The following SUGCT variants were observed in gnomAD, a reference collection of about 807,000 sequenced individuals.
SUGCT encodes succinyl-CoA:glutarate CoA-transferase.
In SUGCT, 41 loss-of-function variants were observed where a neutral mutation model predicts 55.0. That is an observed-to-expected ratio of 0.74 (90% CI 0.58 to 0.97). The LOEUF is 0.97. Among genes scored for constraint, SUGCT ranks in the 50% least tolerant of loss-of-function variants. The probability of loss-of-function intolerance (pLI) is 0.00; values close to 1 mark genes in which losing one functional copy is unlikely to be tolerated. For missense variants in SUGCT, 568 were observed against 547.8 expected (o/e 1.04, Z -0.37); for synonymous variants, 187 against 200.4 (o/e 0.93, Z 0.56).
intron 9 of SUGCT, among the ~76,000 whole-genome samples, chr7:40,392,357 T>G (rs917129174): frequency 3.9e-5 from 6 of 152,114 alleles, no homozygotes; most frequent in Non-Finnish European, 7.4e-5. Flanking sequence ...ATGCACAGGC[T>G]GTCATGGAGA....
intron 13 of SUGCT, among the ~76,000 whole-genome samples, chr7:40,752,869 G>C (rs1332106996): frequency 6.6e-6 from 1 of 152,020 alleles, no homozygotes; most frequent in Non-Finnish European, 1.5e-5. Flanking sequence ...TTCTATTTTT[G>C]TTTAGTGTTT....
At chr7:40,172,739 C>T (rs1280183895) in intron 1 of SUGCT, among the ~76,000 whole-genome samples, 1 of 152,126 alleles carries the variant, frequency 6.6e-6, no homozygotes, top group Non-Finnish European at 1.5e-5. Flanking sequence ...CAGCCCTCAG[C>T]TTCCCCAGGA....
At chr7:40,537,871 G>T (rs909203004) in intron 12 of SUGCT, among the ~76,000 whole-genome samples, 2 of 152,138 alleles carry the variant, frequency 1.3e-5, no homozygotes, top group African/African-American at 2.4e-5. Context: ...GAGAATTGAT[G>T]TTTCAGGAAG....
At chr7:40,220,992 CTTTA>C (rs898708270) in intron 6 of SUGCT, among the ~76,000 whole-genome samples, 1 of 152,132 alleles carries the variant, frequency 6.6e-6, no homozygotes, top group African/African-American at 2.4e-5. Flanking sequence ...GAGTCAGTGT[CTTTA>C]TCATCAGTGG....
chr7:40,956,814 T>C, the SUGCT span, among the ~76,000 whole-genome samples: 1 of 152,226 alleles, frequency 6.6e-6, no homozygotes, highest in Non-Finnish European at 1.5e-5. Flanking sequence ...TCTGGTACAT[T>C]GTGTCTTTGT....
At chr7:40,329,410 G>T (rs1406950588) in intron 9 of SUGCT, among the ~76,000 whole-genome samples, 1 of 152,162 alleles carries the variant, frequency 6.6e-6, no homozygotes, top group Non-Finnish European at 1.5e-5. Context: ...CAGGGACCCT[G>T]CCCAGACAGG....
At chr7:40,354,328 G>A (rs1375467310) in intron 9 of SUGCT, among the ~76,000 whole-genome samples, 1 of 152,126 alleles carries the variant, frequency 6.6e-6, no homozygotes, top group African/African-American at 2.4e-5. Context: ...AGGGATGGAC[G>A]GAGAGGTGGG....
At chr7:40,713,832 T>C (rs1203725) in intron 12 of SUGCT, among the ~76,000 whole-genome samples, 26,402 of 152,102 alleles carry the variant, frequency 0.17, 4,616 homozygotes, top group African/African-American at 0.44. Context: ...CTCCCAATGC[T>C]CCCCATCACA....
At position 40,664,828 on chromosome 7, in the gene SUGCT, A is replaced by C. The variant is rs113415316; in HGVS notation, c.1090-84606A>C. On this transcript the variant is annotated intron_variant, in intron 12 of 13. Transcript: ENST00000335693. ...ACCCCGTCTCTATTAAAAATACAAA[A>C]AATTAGCTGGGCATGATGGGAAGTG... 6.0e-3 allele frequency among the ~76,000 whole-genome samples: 916 copies of C among 151,856 alleles called. 8 individuals carry two copies. The highest frequency in any genetic ancestry group is 0.02 in the African/African-American group (835 of 41,410).
At chr7:40,397,807 AGTGTAACTGATGCTATTGATG>A (rs1171872124) in intron 9 of SUGCT, among the ~76,000 whole-genome samples, 1 of 152,184 alleles carries the variant, frequency 6.6e-6, no homozygotes, top group African/African-American at 2.4e-5. Context: ...TGTTTTGGAC[AGTGTAACTGATGCTATTGATG>A]GTCCATTCCA....
intron 11 of SUGCT, among the ~76,000 whole-genome samples, chr7:40,491,481 C>T (rs972431128): frequency 1.3e-5 from 2 of 151,922 alleles, no homozygotes; most frequent in African/African-American, 2.4e-5. Flanking sequence ...TAAAATCTTC[C>T]GTGGTCATGA....
chr7:40,415,062 ATCT>A (rs71971987), intron 9 of SUGCT, among the ~76,000 whole-genome samples: 74 of 14,784 alleles, frequency 5.0e-3, no homozygotes, highest in African/African-American at 0.011. Flanking sequence ...AAAAAAAAAA[ATCT>A]ATCTATCTAT....
chr7:40,236,174 C>T (rs1255243161), intron 6 of SUGCT, among the ~76,000 whole-genome samples: 3 of 152,066 alleles, frequency 2.0e-5, no homozygotes, highest in African/African-American at 7.2e-5. Flanking sequence ...TCTCCTGCCT[C>T]AGCCTCCCCA....
At chr7:40,275,995 G>T (rs569589681) in intron 8 of SUGCT, among the ~76,000 whole-genome samples, 4 of 152,290 alleles carry the variant, frequency 2.6e-5, no homozygotes, top group African/African-American at 9.6e-5. Context: ...AGAGACCCCA[G>T]TTGGGAATTT....
downstream of SUGCT, among the ~76,000 whole-genome samples, chr7:40,863,938 A>G (rs920343817): frequency 6.6e-6 from 1 of 152,086 alleles, no homozygotes; most frequent in Non-Finnish European, 1.5e-5. Context: ...AAAGATGCAT[A>G]TTTCCATTTC....
At chr7:40,854,438 T>TTCTTTC (rs1794048705) in intron 13 of SUGCT, among the ~76,000 whole-genome samples, 1 of 144,934 alleles carries the variant, frequency 6.9e-6, no homozygotes, top group Admixed American at 6.9e-5. Flanking sequence ...CTTTCTTTCT[T>TTCTTTC]TCTTTCTTTC....
chr7:40,864,341 A>G (rs1458332754), downstream of SUGCT, among the ~76,000 whole-genome samples: 1 of 152,144 alleles, frequency 6.6e-6, no homozygotes, highest in African/African-American at 2.4e-5. Context: ...ATTTTAAGAC[A>G]GGGTTTCACC....
chr7:40,206,255 A>C (rs1407140384), intron 6 of SUGCT, among the ~76,000 whole-genome samples: 1 of 152,210 alleles, frequency 6.6e-6, no homozygotes, highest in Admixed American at 6.5e-5. Flanking sequence ...AAAAAATTTT[A>C]TACTTAAAAG....
chr7:40,144,127 C>A (rs1584163745), intron 1 of SUGCT, among the ~76,000 whole-genome samples: 1 of 152,192 alleles, frequency 6.6e-6, no homozygotes, highest in Admixed American at 6.5e-5. Flanking sequence ...TTACCAAAAT[C>A]TCCCTGGATT....
Sources: gnomAD v4.1 joint callset for allele counts (sites outside exome capture counted in the v4.1 genomes callset) on GRCh38, gnomAD v4.1.1 for gene constraint, MANE v1.5 for transcripts, NCBI Gene and HGNC (gene_info 2026-07-23, HGNC 2026-07-21) for gene names.